The following RNF180 variants were observed in gnomAD, a reference collection of about 807,000 sequenced individuals.
The protein encoded by RNF180 is E3 ubiquitin-protein ligase RNF180.
Under a neutral mutation model 59.2 loss-of-function variants are expected in RNF180, and 38 were observed. The ratio of observed to expected loss-of-function variants is 0.64; its 90% CI spans 0.50 to 0.84. The LOEUF is 0.84. Among genes scored for constraint, RNF180 ranks in the 40% least tolerant of loss-of-function variants. The pLI, the probability that RNF180 is intolerant of heterozygous loss-of-function variation, is 0.00. For missense variants in RNF180, 705 were observed against 700.9 expected (o/e 1.01, Z -0.07); for synonymous variants, 262 against 240.3 (o/e 1.09, Z -0.84).
intron 5 of RNF180, among the ~76,000 whole-genome samples, chr5:64,292,952 C>G (rs1410160752): frequency 6.6e-6 from 1 of 152,222 alleles, no homozygotes; most frequent in Non-Finnish European, 1.5e-5. Flanking sequence ...TCTTCCTTGT[C>G]CAGACTGCCT....
chr5:64,172,922 T>C (rs527853176), intron 1 of RNF180, among the ~76,000 whole-genome samples: 2 of 152,212 alleles, frequency 1.3e-5, no homozygotes, highest in Admixed American at 6.5e-5. Flanking sequence ...CTGAACATAG[T>C]TCTACCACTG....
At chr5:64,170,536 A>G (rs1457513860) in intron 1 of RNF180, among the ~76,000 whole-genome samples, 1 of 152,216 alleles carries the variant, frequency 6.6e-6, no homozygotes, top group Non-Finnish European at 1.5e-5. Context: ...GAAGTTACCT[A>G]CAGAAGCAAC....
intron 5 of RNF180, among the ~76,000 whole-genome samples, chr5:64,225,172 G>T (rs2062514821): frequency 6.6e-6 from 1 of 152,244 alleles, no homozygotes; most frequent in Non-Finnish European, 1.5e-5. Context: ...TAACCATTTT[G>T]GTCTGAGCTT....
intron 5 of RNF180, among the ~76,000 whole-genome samples, chr5:64,250,808 A>T (rs1239853652): frequency 6.6e-6 from 1 of 152,154 alleles, no homozygotes; most frequent in Non-Finnish European, 1.5e-5. Context: ...ATCTTCTCAA[A>T]CTGATTCAAG....
In RNF180 at chr5:64,201,961, G is replaced by A. The variant is rs535011636; in HGVS notation, c.135+1019G>A. 6.4e-4 allele frequency among the ~76,000 whole-genome samples: 97 copies of A among 152,266 alleles called. No homozygotes were observed. The South Asian group carries it at 0.016, about 25-fold the overall frequency. On this transcript the variant is annotated intron_variant, in intron 2 of 7. Transcript: ENST00000389100. The stretch of plus-strand genomic sequence containing the variant: ...TCACCATATTGGTCAGGCTGGTCTC[G>A]AACCGAATACTTTTTAATGACTTGA...
At chr5:64,302,959 G>A (rs1163965421) in intron 5 of RNF180, among the ~76,000 whole-genome samples, 1 of 151,628 alleles carries the variant, frequency 6.6e-6, no homozygotes, top group East Asian at 1.9e-4. Context: ...GAAGGTTTGT[G>A]ACAACCCTGC....
intron 3 of RNF180, 56 bp downstream of exon 3, chr5:64,212,216 G>T: frequency 9.4e-7 from 1 of 1,063,334 alleles, no homozygotes. Context: ...GAATGTTTTT[G>T]TCCTCCTTTT....
At position 64,372,125 on chromosome 5, in the gene RNF180, T is replaced by C. The variant is rs1340662449; in HGVS notation, c.*2311T>C. The C allele has an allele frequency of 6.6e-6, 1 of 151,812 alleles. No homozygotes were observed. The highest frequency in any genetic ancestry group is 1.5e-5 in the Non-Finnish European group (1 of 67,806). 9.4% of individuals were successfully genotyped at this position (151,812 alleles called of 1,614,324 possible). A position where few individuals can be genotyped will look rare whatever the true frequency, so the allele number is the denominator to read the frequency against. ...TTTATGAGTTATCATTATCAATAAT[T>C]TCTATTTCTACCAAGCTTAATTATG... On this transcript the variant is annotated 3_prime_UTR_variant, in exon 8 of 8. Transcript: ENST00000389100.
chr5:64,168,981 A>C (rs953542247), intron 1 of RNF180, among the ~76,000 whole-genome samples: 1 of 152,208 alleles, frequency 6.6e-6, no homozygotes, highest in Admixed American at 6.5e-5. Context: ...GAGTATTTTT[A>C]AAAGTCTGTT....
At chr5:64,369,006 C>T (rs1746554244) in intron 7 of RNF180, among the ~76,000 whole-genome samples, 2 of 152,058 alleles carry the variant, frequency 1.3e-5, no homozygotes, top group African/African-American at 2.4e-5. Flanking sequence ...AAGACACGTG[C>T]ACACGTATGT....
chr5:64,332,051 C>T (rs1323329911), intron 7 of RNF180, among the ~76,000 whole-genome samples: 2 of 152,176 alleles, frequency 1.3e-5, no homozygotes, highest in South Asian at 2.1e-4. Flanking sequence ...CTGGACCTCA[C>T]GCTTGCTCAA....
chr5:64,165,970 C>A lies in RNF180; in HGVS notation c.-1+17C>A. The A allele has an allele frequency of 6.5e-6, 1 of 152,918 alleles. No individual in the cohort carries two copies. Among genetic ancestry groups the A allele is most frequent in the South Asian group, 2.0e-4 (1 of 5,050 alleles). The allele number at this position is 152,918 out of a possible 1,614,324, so 9.5% of individuals were successfully genotyped here. Reference sequence around the variant, plus strand: ...TGGATACAGGTAAAGGCCGGCGGGTCGGAGTCGGGCGGGGCGCGGCGGCGG... The same window carrying A: ...TGGATACAGGTAAAGGCCGGCGGGTAGGAGTCGGGCGGGGCGCGGCGGCGG... On this transcript the variant is annotated intron_variant, in intron 1 of 7. Coordinates refer to ENST00000389100, the MANE Select transcript of RNF180 (RefSeq NM_001113561.2).
Position 64,276,165 on chromosome 5 carries a change from T to C in RNF180, c.1228-49021T>C, listed in dbSNP as rs74552519. Among the ~76,000 whole-genome samples the C allele has an allele frequency of 5.9e-3, 893 of 152,222 alleles. 17 individuals carry two copies. The highest frequency in any genetic ancestry group is 0.042 in the East Asian group (217 of 5,168). ...AATCTATTATTTATGCTCAGAATCA[T>C]GGGCTTCTGAAAATCAAAGGCCAAA... On this transcript the variant is annotated intron_variant, in intron 5 of 7. Coordinates refer to ENST00000389100, the MANE Select transcript of RNF180 (RefSeq NM_001113561.2).
At chr5:64,297,791 A>G (rs886289136) in intron 5 of RNF180, among the ~76,000 whole-genome samples, 14 of 152,266 alleles carry the variant, frequency 9.2e-5, no homozygotes, top group Admixed American at 3.3e-4. Flanking sequence ...AAACTTGGTT[A>G]CTTGAAATGA....
chr5:64,326,829 G>A (rs1349417884), intron 6 of RNF180, among the ~76,000 whole-genome samples: 2 of 152,134 alleles, frequency 1.3e-5, no homozygotes, highest in East Asian at 3.9e-4. Context: ...TGTAGAATGA[G>A]TTAGGAAGAC....
At chr5:64,359,995 A>G in intron 7 of RNF180, among the ~76,000 whole-genome samples, 1 of 151,892 alleles carries the variant, frequency 6.6e-6, no homozygotes, top group South Asian at 2.1e-4. Flanking sequence ...ATTGATCTAT[A>G]TCTCTGTTTT....
intron 7 of RNF180, among the ~76,000 whole-genome samples, chr5:64,351,382 G>C (rs1333796799): frequency 6.6e-6 from 1 of 152,020 alleles, no homozygotes; most frequent in Middle Eastern, 3.2e-3. Context: ...TTTCCTAATT[G>C]AATACCCTTT....
At chr5:64,240,453 A>G (rs902516670) in intron 5 of RNF180, among the ~76,000 whole-genome samples, 4 of 152,218 alleles carry the variant, frequency 2.6e-5, no homozygotes, top group Non-Finnish European at 5.9e-5. Context: ...TGAACCTCAG[A>G]TTCCTTAAAA....
At chr5:64,292,984 C>T (rs1217025249) in intron 5 of RNF180, among the ~76,000 whole-genome samples, 1 of 152,220 alleles carries the variant, frequency 6.6e-6, no homozygotes, top group Non-Finnish European at 1.5e-5. Flanking sequence ...AGCCAGCAGG[C>T]TGGAACAGCA....
Sources: gnomAD v4.1 joint callset for allele counts (sites outside exome capture counted in the v4.1 genomes callset) on GRCh38, gnomAD v4.1.1 for gene constraint, MANE v1.5 for transcripts, NCBI Gene and HGNC (gene_info 2026-07-23, HGNC 2026-07-21) for gene names.